ZBTB20: variants seen among roughly 807,000 people sequenced by gnomAD.
The protein encoded by ZBTB20 is zinc finger and BTB domain-containing protein 20.
ZBTB20 carries 9 observed loss-of-function variants against 56.9 expected under a neutral mutation model. The ratio of observed to expected loss-of-function variants is 0.16; its 90% CI spans 0.10 to 0.28. ZBTB20 has a LOEUF of 0.28. Ranked by LOEUF, ZBTB20 falls within the 10% of genes least tolerant of loss-of-function variation. The pLI is 1.00. For synonymous variants in ZBTB20, 417 were observed against 420.7 expected, an observed-to-expected ratio of 0.99 and a Z score of 0.11; for missense variants, 655 against 1,003.0, an observed-to-expected ratio of 0.65 and a Z score of 4.69.
chr3:114,538,947 G>C (rs755730244), intron 6 of ZBTB20, among the ~76,000 whole-genome samples: 10 of 152,142 alleles, frequency 6.6e-5, no homozygotes, highest in Non-Finnish European at 1.2e-4. Context: ...CATTCTCATT[G>C]ATTGTTGTCC....
chr3:115,083,918 C>G (rs1209891456), intron 1 of ZBTB20, among the ~76,000 whole-genome samples: 2 of 151,780 alleles, frequency 1.3e-5, no homozygotes, highest in Admixed American at 1.3e-4. Context: ...TAAATGGTAA[C>G]CAAGAATATA....
intron 5 of ZBTB20, among the ~76,000 whole-genome samples, chr3:114,796,700 T>C (rs1435716541): frequency 6.6e-6 from 1 of 151,898 alleles, no homozygotes; most frequent in African/African-American, 2.4e-5. Flanking sequence ...TGAGTAAAGA[T>C]GTCCTAGAGA....
At chr3:114,426,999 T>C (rs2089732343) in intron 7 of ZBTB20, among the ~76,000 whole-genome samples, 1 of 152,234 alleles carries the variant, frequency 6.6e-6, no homozygotes, top group Non-Finnish European at 1.5e-5. Context: ...CATTTAAGTC[T>C]CATGCTTTTT....
intron 4 of ZBTB20, among the ~76,000 whole-genome samples, chr3:114,841,449 G>A (rs2074380473): frequency 2.0e-5 from 3 of 152,124 alleles, no homozygotes; most frequent in Admixed American, 1.3e-4. Context: ...AATGAGACAG[G>A]AGCCAGGCTG....
intron 6 of ZBTB20, among the ~76,000 whole-genome samples, chr3:114,583,450 T>G (rs1255636299): frequency 6.6e-6 from 1 of 152,158 alleles, no homozygotes; most frequent in African/African-American, 2.4e-5. Context: ...AACCAACAAT[T>G]ACAAGGACCA....
At chr3:114,413,089 T>C (rs919721993) in intron 7 of ZBTB20, among the ~76,000 whole-genome samples, 45 of 152,228 alleles carry the variant, frequency 3.0e-4, no homozygotes, top group Middle Eastern at 6.8e-3. Context: ...GGATACTTTC[T>C]GGATGAAGTA....
At chr3:114,936,681 A>G (rs1319269277) in intron 3 of ZBTB20, among the ~76,000 whole-genome samples, 1 of 152,226 alleles carries the variant, frequency 6.6e-6, no homozygotes, top group Non-Finnish European at 1.5e-5. Flanking sequence ...TTTAAAAGTG[A>G]GATACTAGTC....
intron 2 of ZBTB20, among the ~76,000 whole-genome samples, chr3:115,058,155 TAC>T (rs993533573): frequency 1.4e-4 from 22 of 152,314 alleles, no homozygotes; most frequent in Non-Finnish European, 2.9e-4. Flanking sequence ...TTATGGGAAC[TAC>T]AATTCCCGAT....
chr3:114,382,192 T>G (rs2084447547), intron 8 of ZBTB20, among the ~76,000 whole-genome samples: 1 of 152,224 alleles, frequency 6.6e-6, no homozygotes. Context: ...TCTGCTTCCT[T>G]CATATTTTTT....
intron 2 of ZBTB20, among the ~76,000 whole-genome samples, chr3:115,054,671 C>G (rs1477765736): frequency 6.6e-6 from 1 of 152,034 alleles, no homozygotes; most frequent in African/African-American, 2.4e-5. Context: ...GCAACAATTA[C>G]TTAGATAATA....
rs146504420 is a variant in ZBTB20 at position 114,403,265 on chromosome 3, C to T, written c.-254-14160G>A. Among the ~76,000 whole-genome samples the T allele has an allele frequency of 2.9e-3, 436 of 152,242 alleles. 3 individuals carry two copies. The highest frequency in any genetic ancestry group is 9.8e-3 in the African/African-American group (408 of 41,544). ...GAAGGGAGCTGGGCTATGCCAGACTCTCACCATGTTCTTTCTCCTCTAACA... is the reference window on the plus strand; with the variant it reads ...GAAGGGAGCTGGGCTATGCCAGACTTTCACCATGTTCTTTCTCCTCTAACA... On this transcript the variant is annotated intron_variant, in intron 7 of 11. Transcript: ENST00000675478.
intron 6 of ZBTB20, among the ~76,000 whole-genome samples, chr3:114,644,646 T>C (rs1399537522): frequency 1.3e-5 from 2 of 152,172 alleles, no homozygotes; most frequent in Non-Finnish European, 2.9e-5. Context: ...TTACACATTG[T>C]TGGTGGGAAT....
chr3:114,987,242 A>G (rs571563523), intron 2 of ZBTB20, among the ~76,000 whole-genome samples: 1 of 152,268 alleles, frequency 6.6e-6, no homozygotes, highest in Admixed American at 6.5e-5. Context: ...AGATGGTTGA[A>G]ATATCCATTT....
chr3:114,930,759 AC>A (rs2076328785), intron 3 of ZBTB20: 1 of 268,460 alleles, frequency 3.7e-6, no homozygotes, highest in South Asian at 4.8e-5. Flanking sequence ...ATGCAGTTGT[AC>A]AGCAGAATAC....
chr3:114,678,050 A>AT (rs745386361), intron 6 of ZBTB20, among the ~76,000 whole-genome samples: 1 of 152,156 alleles, frequency 6.6e-6, no homozygotes, highest in African/African-American at 2.4e-5. Flanking sequence ...AAGCAATCTG[A>AT]TTCTTTATAA....
At chr3:114,911,592 T>C (rs902755600) in intron 3 of ZBTB20, among the ~76,000 whole-genome samples, 2 of 151,840 alleles carry the variant, frequency 1.3e-5, no homozygotes, top group African/African-American at 2.4e-5. Flanking sequence ...ACCAAACAGA[T>C]ACCCTATAGC....
At chr3:114,464,312 A>G (rs886547686) in intron 7 of ZBTB20, among the ~76,000 whole-genome samples, 6 of 152,212 alleles carry the variant, frequency 3.9e-5, no homozygotes, top group African/African-American at 1.4e-4. Flanking sequence ...CCTGTGTGAC[A>G]CTCAATCTAA....
At chr3:114,562,803 T>G (rs1421132740) in intron 6 of ZBTB20, among the ~76,000 whole-genome samples, 2 of 152,100 alleles carry the variant, frequency 1.3e-5, no homozygotes, top group Admixed American at 6.6e-5. Context: ...GGGAGAGAGA[T>G]GAAGGAACAG....
intron 2 of ZBTB20, among the ~76,000 whole-genome samples, chr3:114,981,303 T>C (rs1218450733): frequency 1.3e-5 from 2 of 152,124 alleles, no homozygotes; most frequent in Admixed American, 1.3e-4. Context: ...TGAGCTATTT[T>C]GTTATGATTT....
Sources: allele counts gnomAD v4.1 joint callset (sites outside exome capture counted in the v4.1 genomes callset), GRCh38; gene constraint gnomAD v4.1.1; transcripts MANE v1.5; gene names NCBI Gene and HGNC (gene_info 2026-07-23, HGNC 2026-07-21).